Variants in PLAAT1 observed in about 807,000 individuals in gnomAD.
PLAAT1 encodes phospholipase A and acyltransferase 1.
In PLAAT1, 13 loss-of-function variants were observed where a neutral mutation model predicts 16.4. The ratio of observed to expected loss-of-function variants is 0.79; its 90% confidence interval spans 0.52 to 1.26. The LOEUF (loss-of-function observed/expected upper bound fraction) is 1.26, where lower values mean the gene tolerates loss of function less well. Ranked by LOEUF, PLAAT1 falls within the 50% of genes most tolerant of loss-of-function variation. The pLI, the probability that PLAAT1 is intolerant of heterozygous loss-of-function variation, is 0.00. For missense variants in PLAAT1, 218 were observed against 207.8 expected (o/e 1.05, Z -0.30); for synonymous variants, 73 against 78.4 (o/e 0.93, Z 0.36).
intron 1 of PLAAT1, among the ~76,000 whole-genome samples, chr3:193,242,511 T>C (rs553386091): frequency 1.9e-4 from 29 of 152,176 alleles, no homozygotes; most frequent in Non-Finnish European, 4.1e-4. Flanking sequence ...AACAAAACAA[T>C]ACTCTTGAGT....
Position 193,263,195 on chromosome 3 carries a change from T to G in PLAAT1, c.365T>G (p.Phe122Cys). The G allele has an allele frequency of 6.2e-7, 1 of 1,614,196 alleles. No individual in the cohort carries two copies. The highest frequency in any genetic ancestry group is 8.5e-7 in the Non-Finnish European group (1 of 1,180,022). The change falls in exon 3 of 4, where the codon TTT becomes TGT. Residue 122 changes from phenylalanine to cysteine, a missense_variant. Phe to Cys is a radical substitution (Grantham distance 205). Transcript: ENST00000264735. ...TTACTTGTCAACAACTGTGAACATT[T>G]TGTGACATTGCTTCGCTATGGAGAA... Reference protein sequence around the residue: ...YNLLVNNCEHFVTLLRYGEGV... With the variant: ...YNLLVNNCEHCVTLLRYGEGV...
At position 193,252,093 on chromosome 3, in the gene PLAAT1, G is replaced by A. The variant is rs118076798; in HGVS notation, c.1-3558G>A. 2.2e-3 allele frequency among the ~76,000 whole-genome samples: 330 copies of A among 152,288 alleles called. 9 individuals are homozygous for A. In the East Asian group the frequency reaches 0.049, roughly 23 times the overall value. On this transcript the variant is annotated intron_variant, in intron 1 of 3. Coordinates refer to ENST00000264735, the MANE Select transcript of PLAAT1 (RefSeq NM_020386.5). ...CTCCATAGGGCGTACAGGATGCATG[G>A]TGCTGGTATCTGCTTCTGGTGAGGG...
downstream of PLAAT1, among the ~76,000 whole-genome samples, chr3:193,279,820 TC>T (rs1402433353): frequency 6.6e-6 from 1 of 151,874 alleles, no homozygotes; most frequent in Admixed American, 6.6e-5. Context: ...AGTTCAGGGA[TC>T]CTCTATTGAC....
downstream of PLAAT1, among the ~76,000 whole-genome samples, chr3:193,280,829 C>T (rs558094073): frequency 3.0e-4 from 45 of 152,262 alleles, no homozygotes; most frequent in Non-Finnish European, 5.1e-4. Flanking sequence ...AATAAGTGAA[C>T]AAACTAGGTT....
chr3:193,273,144 A>C (rs548066853), downstream of PLAAT1, among the ~76,000 whole-genome samples: 1 of 152,200 alleles, frequency 6.6e-6, no homozygotes, highest in Non-Finnish European at 1.5e-5. Context: ...TTTTTATGCT[A>C]TTGAAATATT....
chr3:193,270,479 C>T, intron 3 of PLAAT1, 125 bp from the exon 4 acceptor site: 1 of 671,636 alleles, frequency 1.5e-6, no homozygotes, highest in African/African-American at 1.8e-5. Flanking sequence ...TTGCATTGTA[C>T]TTTAGATGTA....
At chr3:193,249,161 T>C (rs1279575256) in intron 1 of PLAAT1, among the ~76,000 whole-genome samples, 1 of 152,076 alleles carries the variant, frequency 6.6e-6, no homozygotes, top group African/African-American at 2.4e-5. Context: ...CCCTGCAGGG[T>C]TTCTGTTGAA....
At chr3:193,278,278 ATGTAGTCTTCC>A (rs1717319045), downstream of PLAAT1, among the ~76,000 whole-genome samples, 1 of 152,136 alleles carries the variant, frequency 6.6e-6, no homozygotes, top group Admixed American at 6.5e-5. Flanking sequence ...CTCCTCTCAC[ATGTAGTCTTCC>A]TGCCGTCATC....
At chr3:193,260,437 T>C (rs1270777041) in intron 2 of PLAAT1, among the ~76,000 whole-genome samples, 2 of 152,086 alleles carry the variant, frequency 1.3e-5, no homozygotes, top group African/African-American at 2.4e-5. Context: ...GGAGAAAATA[T>C]TCATAAACTG....
chr3:193,250,573 G>C (rs1327621704), intron 1 of PLAAT1, among the ~76,000 whole-genome samples: 2 of 152,164 alleles, frequency 1.3e-5, no homozygotes, highest in Non-Finnish European at 2.9e-5. Context: ...TGTCTCTTGG[G>C]TGAAGGCTAT....
upstream of PLAAT1, chr3:193,241,221 G>T (rs1157328616): frequency 1.1e-5 from 14 of 1,224,084 alleles, no homozygotes; most frequent in Non-Finnish European, 1.4e-5. Context: ...GGCTCCCCAT[G>T]GTCAGAGCCT....
intron 2 of PLAAT1, chr3:193,276,924 T>C: frequency 1.1e-6 from 1 of 943,342 alleles, no homozygotes; most frequent in African/African-American, 1.7e-5. Context: ...TTGTAATAAC[T>C]CTCTGAGCTT....
At position 193,263,074 on chromosome 3, in the gene PLAAT1, A is replaced by G; in HGVS notation, c.244A>G (p.Ile82Val). The stretch of plus-strand genomic sequence containing the variant: ...TGTTGTGGGAAATGACACATACAGA[A>G]TAAACAATAAATACGATGAAACGTA... ...KDVVGNDTYR[I>V]NNKYDETYPP... is the part of the protein sequence containing the mutation. Residue 82 changes from isoleucine (I) to valine (V), a missense_variant, in exon 3 of 4, where the codon ATA becomes GTA. Physicochemically the swap from Ile to Val is conservative, Grantham distance 29 (BLOSUM62 3). Coordinates refer to ENST00000264735, the MANE Select transcript of PLAAT1 (RefSeq NM_020386.5). The G allele has an allele frequency of 6.2e-7, 1 of 1,614,214 alleles. No individual in the cohort carries two copies.
chr3:193,269,297 A>T (rs1716891074), intron 3 of PLAAT1, among the ~76,000 whole-genome samples: 1 of 152,210 alleles, frequency 6.6e-6, no homozygotes, highest in Non-Finnish European at 1.5e-5. Flanking sequence ...GGTTAGTGCC[A>T]AGTTGTTTGC....
At chr3:193,279,727 G>A (rs569244853), downstream of PLAAT1, among the ~76,000 whole-genome samples, 89 of 152,154 alleles carry the variant, frequency 5.8e-4, no homozygotes, top group African/African-American at 2.0e-3. Flanking sequence ...CTATCACTGC[G>A]TGTCCAGTGA....
chr3:193,259,970 A>G (rs936085860), intron 2 of PLAAT1, among the ~76,000 whole-genome samples: 1 of 152,204 alleles, frequency 6.6e-6, no homozygotes, highest in African/African-American at 2.4e-5. Flanking sequence ...AGAAGGCTAT[A>G]GTAACCAAAA....
chr3:193,263,480 C>G (rs1170710104), intron 3 of PLAAT1, among the ~76,000 whole-genome samples: 1 of 68,062 alleles, frequency 1.5e-5, no homozygotes, highest in African/African-American at 6.8e-5. Flanking sequence ...AGCATTCTGT[C>G]AATCTTACTG....
At chr3:193,245,893 A>G (rs529316966) in intron 1 of PLAAT1, among the ~76,000 whole-genome samples, 4 of 152,236 alleles carry the variant, frequency 2.6e-5, no homozygotes, top group African/African-American at 4.8e-5. Flanking sequence ...TTTTCTTGCT[A>G]TTGAGTTGTA....
chr3:193,281,055 C>T (rs1041870281), downstream of PLAAT1: 7 of 254,430 alleles, frequency 2.8e-5, no homozygotes, highest in South Asian at 1.5e-4. Flanking sequence ...AAATGCAGCA[C>T]GTCTCAGAAG....
Sources: gnomAD v4.1 joint callset for allele counts (sites outside exome capture counted in the v4.1 genomes callset) on GRCh38, gnomAD v4.1.1 for gene constraint, MANE v1.5 for transcripts, NCBI Gene and HGNC (gene_info 2026-07-23, HGNC 2026-07-21) for gene names.